SLC25A21: variants seen among roughly 807,000 people sequenced by gnomAD.
SLC25A21 encodes the protein mitochondrial 2-oxodicarboxylate carrier.
In SLC25A21, 47 loss-of-function variants were observed where a neutral mutation model predicts 43.8. The observed-to-expected ratio is 1.07, with a 90% CI of 0.85 to 1.37. SLC25A21 has a LOEUF of 1.37. Ranked by LOEUF, SLC25A21 falls within the 40% of genes most tolerant of loss-of-function variation. The pLI, the probability that SLC25A21 is intolerant of heterozygous loss-of-function variation, is 0.00. For missense variants in SLC25A21, 352 were observed against 350.2 expected (o/e 1.00, Z -0.04); for synonymous variants, 131 against 121.3 (o/e 1.08, Z -0.52).
intron 1 of SLC25A21, among the ~76,000 whole-genome samples, chr14:37,148,390 A>G (rs1481269464): frequency 6.6e-6 from 1 of 152,236 alleles, no homozygotes; most frequent in African/African-American, 2.4e-5. Flanking sequence ...CATACTATTT[A>G]GCATGAGATC....
At chr14:37,061,168 C>T (rs1961940480) in intron 1 of SLC25A21, among the ~76,000 whole-genome samples, 1 of 152,122 alleles carries the variant, frequency 6.6e-6, no homozygotes, top group Non-Finnish European at 1.5e-5. Flanking sequence ...AAGAACACCT[C>T]AGAGACTAGG....
intron 1 of SLC25A21, 138 bp from the exon 2 acceptor site, chr14:36,875,142 C>T (rs2021404): frequency 0.48 from 256,132 of 537,638 alleles, 64,037 homozygotes; most frequent in Non-Finnish European, 0.52. Flanking sequence ...TAGTAATAGG[C>T]TAGTGGCAAA....
chr14:36,729,104 C>A (rs1004599553), intron 5 of SLC25A21, among the ~76,000 whole-genome samples: 1 of 152,152 alleles, frequency 6.6e-6, no homozygotes, highest in Non-Finnish European at 1.5e-5. Context: ...CCCAAGGGAT[C>A]GATCTGAAGT....
At chr14:37,096,446 T>C (rs1358424430) in intron 1 of SLC25A21, among the ~76,000 whole-genome samples, 1 of 152,240 alleles carries the variant, frequency 6.6e-6, no homozygotes, top group Non-Finnish European at 1.5e-5. Context: ...TTTCTTTGAA[T>C]AAACTGTCTA....
chr14:37,085,876 C>G (rs925820184), intron 1 of SLC25A21, among the ~76,000 whole-genome samples: 2 of 152,162 alleles, frequency 1.3e-5, no homozygotes, highest in African/African-American at 2.4e-5. Context: ...CAGGCCGAGG[C>G]AGGCAGATCA....
intron 2 of SLC25A21, among the ~76,000 whole-genome samples, chr14:36,858,551 A>G (rs1189947976): frequency 1.3e-5 from 2 of 152,086 alleles, no homozygotes; most frequent in Non-Finnish European, 2.9e-5. Flanking sequence ...GTGTGATGAG[A>G]GCAAAATATT....
intron 1 of SLC25A21, among the ~76,000 whole-genome samples, chr14:36,933,179 C>G (rs76494185): frequency 0.017 from 2,636 of 152,210 alleles, 70 homozygotes; most frequent in African/African-American, 0.059. Flanking sequence ...ACTGACAGTT[C>G]CTCACACAGG....
intron 1 of SLC25A21, among the ~76,000 whole-genome samples, chr14:36,966,603 T>C (rs1959621689): frequency 6.6e-6 from 1 of 152,206 alleles, no homozygotes; most frequent in African/African-American, 2.4e-5. Context: ...CTACACACTG[T>C]ACTCTCACCT....
chr14:37,159,112 T>C (rs1259137070), intron 1 of SLC25A21, among the ~76,000 whole-genome samples: 1 of 151,934 alleles, frequency 6.6e-6, no homozygotes, highest in Non-Finnish European at 1.5e-5. Context: ...AAAAATCCTA[T>C]GCTCATGGAT....
At chr14:36,880,062 T>C (rs950313662) in intron 1 of SLC25A21, among the ~76,000 whole-genome samples, 1 of 152,168 alleles carries the variant, frequency 6.6e-6, no homozygotes, top group African/African-American at 2.4e-5. Flanking sequence ...CATCCCCTCT[T>C]CTTCCTGGCC....
At chr14:36,975,443 T>G (rs1959847983) in intron 1 of SLC25A21, among the ~76,000 whole-genome samples, 1 of 152,228 alleles carries the variant, frequency 6.6e-6, no homozygotes, top group Admixed American at 6.5e-5. Context: ...AGAAAGATTT[T>G]TTTTTCTTCT....
intron 1 of SLC25A21, among the ~76,000 whole-genome samples, chr14:37,099,981 T>C (rs1267499878): frequency 2.6e-5 from 4 of 152,138 alleles, no homozygotes; most frequent in Admixed American, 2.6e-4. Context: ...CACATCCTCC[T>C]CTCCCTGGCA....
intron 2 of SLC25A21, among the ~76,000 whole-genome samples, chr14:36,818,691 T>A (rs1888533215): frequency 2.6e-5 from 4 of 152,240 alleles, no homozygotes; most frequent in Admixed American, 6.5e-5. Flanking sequence ...CACAGAGTTA[T>A]CAGTTCTTCT....
chr14:36,894,314 G>T (rs1157885657), intron 1 of SLC25A21, among the ~76,000 whole-genome samples: 1 of 152,154 alleles, frequency 6.6e-6, no homozygotes, highest in Non-Finnish European at 1.5e-5. Flanking sequence ...GTGAATGGGA[G>T]TTCACTCATG....
chr14:36,884,708 T>C (rs1459028161), intron 1 of SLC25A21, among the ~76,000 whole-genome samples: 2 of 152,200 alleles, frequency 1.3e-5, no homozygotes, highest in Non-Finnish European at 2.9e-5. Flanking sequence ...CGGTTTTAAT[T>C]TGCATTTCTC....
At chr14:37,139,457 T>C (rs1963535838) in intron 1 of SLC25A21, among the ~76,000 whole-genome samples, 1 of 152,126 alleles carries the variant, frequency 6.6e-6, no homozygotes. Flanking sequence ...TTTCAACTTT[T>C]CAACATTATA....
intron 1 of SLC25A21, among the ~76,000 whole-genome samples, chr14:37,171,648 TC>T (rs1406096839): frequency 6.6e-6 from 1 of 152,226 alleles, no homozygotes; most frequent in African/African-American, 2.4e-5. Flanking sequence ...TAAAAGTATT[TC>T]TAAGATTAAT....
chr14:36,897,801 C>T (rs544444648), intron 1 of SLC25A21, among the ~76,000 whole-genome samples: 1 of 152,212 alleles, frequency 6.6e-6, no homozygotes, highest in African/African-American at 2.4e-5. Context: ...GAGGTCCACT[C>T]CAGACACTGT....
chr14:36,982,214 T>C (rs1444149343), intron 1 of SLC25A21, among the ~76,000 whole-genome samples: 1 of 152,242 alleles, frequency 6.6e-6, no homozygotes, highest in African/African-American at 2.4e-5. Flanking sequence ...AAACTCATTT[T>C]CAAATAAGTT....
Sources: allele counts gnomAD v4.1 joint callset (sites outside exome capture counted in the v4.1 genomes callset), GRCh38; gene constraint gnomAD v4.1.1; transcripts MANE v1.5; gene names NCBI Gene and HGNC (gene_info 2026-07-23, HGNC 2026-07-21).